Variants in GALNT18 observed in about 807,000 individuals in gnomAD.
The protein encoded by GALNT18 is polypeptide N-acetylgalactosaminyltransferase 18, also known as GalNAc-transferase 18.
Under a neutral mutation model 69.5 loss-of-function variants are expected in GALNT18, and 44 were observed. That is an observed-to-expected ratio of 0.63 (90% CI 0.50 to 0.81). GALNT18 has a LOEUF of 0.81. GALNT18 is among the 40% of genes least tolerant of loss of function. The pLI is 0.00. For missense variants in GALNT18, 715 were observed against 810.0 expected, an observed-to-expected ratio of 0.88 and a Z score of 1.42; for synonymous variants, 364 against 318.2, an observed-to-expected ratio of 1.14 and a Z score of -1.53.
chr11:11,465,517 A>C lies in GALNT18; in HGVS notation c.236-16581T>G, dbSNP rs924014539. On this transcript the variant is annotated intron_variant, in intron 1 of 10. Transcript: ENST00000227756. The surrounding 1 kb of genome is among the most constrained non-coding windows in gnomAD (Gnocchi z 5.7). Reference sequence around the variant, plus strand: ...TGGCAGCTCAGTAGCCACAGAAGCCAAAGCCACCTGGCCATGAGGTCAGGA... The same window carrying C: ...TGGCAGCTCAGTAGCCACAGAAGCCCAAGCCACCTGGCCATGAGGTCAGGA... 6.6e-6 allele frequency among the ~76,000 whole-genome samples: 1 copy of C among 152,186 alleles called. No homozygotes were observed. Among genetic ancestry groups the C allele is most frequent in the African/African-American group, 2.4e-5 (1 of 41,450 alleles).
chr11:11,281,904 C>A (rs1424164987), intron 10 of GALNT18, among the ~76,000 whole-genome samples: 2 of 151,792 alleles, frequency 1.3e-5, no homozygotes, highest in Non-Finnish European at 2.9e-5. Flanking sequence ...AGAGCTCCCT[C>A]CCTGGAGGCT....
Position 11,439,647 on chromosome 11 carries a change from C to T in GALNT18, c.429-6860G>A, listed in dbSNP as rs1012700040. Among the ~76,000 whole-genome samples, 1 of 152,184 alleles carries T rather than the reference C, an allele frequency of 6.6e-6. No individual in the cohort carries two copies. The highest frequency in any genetic ancestry group is 1.5e-5 in the Non-Finnish European group (1 of 68,030). Reference sequence around the variant, plus strand: ...CGTGTCTGCTTTGCTCATCAGGTATCCCTAATACTGGGTATGAAGTTCAGC... The same window carrying T: ...CGTGTCTGCTTTGCTCATCAGGTATTCCTAATACTGGGTATGAAGTTCAGC... On this transcript the variant is annotated intron_variant, in intron 2 of 10. Transcript: ENST00000227756. This position sits in a 1 kb window ranked among gnomAD's most constrained non-coding sequence, Gnocchi z 4.4.
At chr11:11,283,611 G>C (rs1849132113) in intron 10 of GALNT18, among the ~76,000 whole-genome samples, 2 of 152,200 alleles carry the variant, frequency 1.3e-5, no homozygotes, top group South Asian at 4.1e-4. Flanking sequence ...CTCCGGCCCA[G>C]TCTCATGGCT....
chr11:11,349,445 C>A (rs1850360096), intron 6 of GALNT18, among the ~76,000 whole-genome samples: 1 of 152,162 alleles, frequency 6.6e-6, no homozygotes. Flanking sequence ...CCTATCCTTG[C>A]CAACATTTGA....
chr11:11,311,401 T>C (rs1260771933), intron 9 of GALNT18, among the ~76,000 whole-genome samples: 3 of 152,202 alleles, frequency 2.0e-5, no homozygotes, highest in African/African-American at 7.2e-5. Flanking sequence ...GTTCATATCC[T>C]GGACTCTCCT....
chr11:11,437,392 G>A (rs1005418605), intron 2 of GALNT18, among the ~76,000 whole-genome samples: 1 of 152,116 alleles, frequency 6.6e-6, no homozygotes, highest in Non-Finnish European at 1.5e-5. Flanking sequence ...CGGAATTGAT[G>A]GTCATGACAG....
At chr11:11,401,324 A>C (rs1854463007) in intron 3 of GALNT18, among the ~76,000 whole-genome samples, 1 of 152,196 alleles carries the variant, frequency 6.6e-6, no homozygotes, top group South Asian at 2.1e-4. Flanking sequence ...CAAACTCATG[A>C]TCAACCTCCT....
intron 1 of GALNT18, among the ~76,000 whole-genome samples, chr11:11,531,738 A>T (rs1361358708): frequency 6.6e-6 from 1 of 152,180 alleles, no homozygotes; most frequent in African/African-American, 2.4e-5. Flanking sequence ...AGCCAGCCCT[A>T]GGTGTAACAA....
At chr11:11,406,206 C>T (rs912359947) in intron 3 of GALNT18, among the ~76,000 whole-genome samples, 1 of 152,346 alleles carries the variant, frequency 6.6e-6, no homozygotes. Flanking sequence ...CAAGCACCTA[C>T]TATGGGCTAA....
intron 1 of GALNT18, among the ~76,000 whole-genome samples, chr11:11,578,330 C>CAAAAAAAAAAAAAAAAAAAAAAA (rs57579910): frequency 8.3e-6 from 1 of 120,596 alleles, no homozygotes; most frequent in African/African-American, 3.5e-5. Context: ...TAAAAAGAAC[C>CAAAAAAAAAAAAAAAAAAAAAAA]AAAAAAAAAA....
chr11:11,479,058 C>T (rs1856467720), intron 1 of GALNT18, among the ~76,000 whole-genome samples: 1 of 152,240 alleles, frequency 6.6e-6, no homozygotes, highest in Non-Finnish European at 1.5e-5. Flanking sequence ...GCCCTTGGCT[C>T]TCTAGCCCTA....
chr11:11,297,307 C>T (rs544067380), intron 9 of GALNT18, among the ~76,000 whole-genome samples: 2 of 152,186 alleles, frequency 1.3e-5, no homozygotes, highest in African/African-American at 4.8e-5. Flanking sequence ...AAATGACTTA[C>T]ATGCTTTATC....
At chr11:11,292,959 C>A in intron 10 of GALNT18, 70 bp downstream of exon 10, 1 of 1,306,034 alleles carries the variant, frequency 7.7e-7, no homozygotes, top group South Asian at 2.6e-5. Context: ...CACCACCTCC[C>A]TGGCCCCTGA....
intron 1 of GALNT18, among the ~76,000 whole-genome samples, chr11:11,453,163 G>A (rs979105165): frequency 6.6e-6 from 1 of 152,176 alleles, no homozygotes; most frequent in Non-Finnish European, 1.5e-5. Flanking sequence ...GAAGGTGGAA[G>A]GAAAGGGATG....
intron 10 of GALNT18, among the ~76,000 whole-genome samples, chr11:11,281,436 G>A (rs1004949747): frequency 2.9e-4 from 44 of 152,256 alleles, no homozygotes; most frequent in African/African-American, 8.2e-4. Context: ...CACAACAAAC[G>A]GGCCCGGACC....
At chr11:11,502,667 T>C (rs148752838) in intron 1 of GALNT18, among the ~76,000 whole-genome samples, 2 of 152,376 alleles carry the variant, frequency 1.3e-5, no homozygotes, top group Non-Finnish European at 2.9e-5. Context: ...TGATCGCTTC[T>C]GTTAGCACAT....
At chr11:11,483,735 T>G (rs7934525) in intron 1 of GALNT18, among the ~76,000 whole-genome samples, 72,715 of 152,052 alleles carry the variant, frequency 0.48, 17,698 homozygotes, top group Admixed American at 0.59. Context: ...AAGGCAGCCC[T>G]TGGTGACGCT....
In GALNT18 at chr11:11,573,277, C is replaced by G. The variant is rs1858835238; in HGVS notation, c.235+48082G>C. Among the ~76,000 whole-genome samples, 1 of 152,216 alleles carries G rather than the reference C, an allele frequency of 6.6e-6. No homozygotes were observed. Among genetic ancestry groups the G allele is most frequent in the Admixed American group, 6.5e-5 (1 of 15,284 alleles). ...AGCTTTCAATACTGAAGATGGAGCT[C>G]TCTGTCCCCGGGTGGGGCCGCAGCA... On this transcript the variant is annotated intron_variant, in intron 1 of 10. Transcript: ENST00000227756. This position sits in a 1 kb window ranked among gnomAD's most constrained non-coding sequence, Gnocchi z 4.6.
intron 1 of GALNT18, among the ~76,000 whole-genome samples, chr11:11,556,913 C>T (rs970937817): frequency 6.6e-6 from 1 of 152,166 alleles, no homozygotes; most frequent in African/African-American, 2.4e-5. Context: ...TTTCTATCTT[C>T]AACAAATAAA....
Sources: gnomAD v4.1 joint callset for allele counts (sites outside exome capture counted in the v4.1 genomes callset) on GRCh38, gnomAD v4.1.1 for gene constraint, Gnocchi (gnomAD v3.1) non-coding constraint, MANE v1.5 for transcripts, NCBI Gene and HGNC (gene_info 2026-07-23, HGNC 2026-07-21) for gene names.